CAMKMT: variants seen among roughly 807,000 people sequenced by gnomAD.
CAMKMT encodes the protein calmodulin-lysine N-methyltransferase.
CAMKMT carries 53 observed loss-of-function variants against 48.0 expected under a neutral mutation model. The ratio of observed to expected loss-of-function variants is 1.10; its 90% CI spans 0.89 to 1.39. The LOEUF (loss-of-function observed/expected upper bound fraction) is 1.39, where lower values mean the gene tolerates loss of function less well. Ranked by LOEUF, CAMKMT falls within the 40% of genes most tolerant of loss-of-function variation. CAMKMT has a pLI of 0.00. For synonymous variants in CAMKMT, 165 were observed against 152.3 expected, an observed-to-expected ratio of 1.08 and a Z score of -0.61; for missense variants, 428 against 402.7, an observed-to-expected ratio of 1.06 and a Z score of -0.54.
In CAMKMT at chr2:44,593,488, T is replaced by G. The variant is rs6714591; in HGVS notation, c.377-110795T>G. Among the ~76,000 whole-genome samples, 744 of 152,308 alleles carry G rather than the reference T, an allele frequency of 4.9e-3. 4 individuals carry two copies. The highest frequency in any genetic ancestry group is 0.017 in the African/African-American group (701 of 41,554). On this transcript the variant is annotated intron_variant, in intron 3 of 10. Coordinates refer to ENST00000378494, the MANE Select transcript of CAMKMT (RefSeq NM_024766.5). Reference sequence around the variant, plus strand: ...TTTTCCAGACTTTCAACTCTGGTACTCTGCAGGGCTCCATTTGGGTTCCCT... The same window carrying G: ...TTTTCCAGACTTTCAACTCTGGTACGCTGCAGGGCTCCATTTGGGTTCCCT...
intron 3 of CAMKMT, among the ~76,000 whole-genome samples, chr2:44,599,329 T>C (rs1335860399): frequency 1.3e-5 from 2 of 152,154 alleles, no homozygotes; most frequent in Non-Finnish European, 2.9e-5. Flanking sequence ...CCTGAAGGGC[T>C]CCAGTAACAC....
intron 3 of CAMKMT, among the ~76,000 whole-genome samples, chr2:44,457,965 A>T (rs1330478199): frequency 6.6e-6 from 1 of 152,120 alleles, no homozygotes; most frequent in East Asian, 1.9e-4. Context: ...TAGTGTAAAG[A>T]ACATCCCCCA....
At chr2:44,486,718 G>A (rs1207644318) in intron 3 of CAMKMT, among the ~76,000 whole-genome samples, 1 of 152,212 alleles carries the variant, frequency 6.6e-6, no homozygotes, top group Non-Finnish European at 1.5e-5. Flanking sequence ...CTTCCAGAAA[G>A]CCTTCCCAGG....
chr2:44,705,457 A>T (rs1463264392), intron 4 of CAMKMT: 1 of 985,190 alleles, frequency 1.0e-6, no homozygotes, highest in African/African-American at 1.7e-5. Context: ...CTTAAGCTTG[A>T]CTGGAGCTCC....
intron 7 of CAMKMT, among the ~76,000 whole-genome samples, chr2:44,736,590 C>T (rs988353691): frequency 3.9e-5 from 6 of 152,118 alleles, no homozygotes; most frequent in Non-Finnish European, 7.4e-5. Context: ...ATTATTTCTT[C>T]AAATATTTTT....
At chr2:44,693,593 C>G (rs1676775853) in intron 3 of CAMKMT, among the ~76,000 whole-genome samples, 1 of 152,208 alleles carries the variant, frequency 6.6e-6, no homozygotes, top group Non-Finnish European at 1.5e-5. Flanking sequence ...CCCTGTTGAT[C>G]CACAGGACCC....
intron 7 of CAMKMT, among the ~76,000 whole-genome samples, chr2:44,742,994 G>C (rs1433355270): frequency 6.6e-6 from 1 of 152,132 alleles, no homozygotes; most frequent in Admixed American, 6.5e-5. Flanking sequence ...CCTCTGGTTG[G>C]CCTCATAAGC....
intron 2 of CAMKMT, among the ~76,000 whole-genome samples, chr2:44,374,019 G>A (rs1280623559): frequency 6.7e-6 from 1 of 149,446 alleles, no homozygotes; most frequent in African/African-American, 2.5e-5. Context: ...AGCTACTCCA[G>A]AGGCTGAGGT....
chr2:44,472,967 C>G (rs981098669), intron 3 of CAMKMT, among the ~76,000 whole-genome samples: 1 of 152,156 alleles, frequency 6.6e-6, no homozygotes, highest in East Asian at 1.9e-4. Context: ...CAGTTACCAG[C>G]GTGAGGAATA....
chr2:44,758,782 C>A (rs1054336538), intron 9 of CAMKMT, among the ~76,000 whole-genome samples: 1 of 152,126 alleles, frequency 6.6e-6, no homozygotes, highest in Non-Finnish European at 1.5e-5. Flanking sequence ...AGGACCCAAA[C>A]GTAATTTAAA....
chr2:44,362,099 T>A lies in CAMKMT; in HGVS notation c.92T>A (p.Val31Glu), dbSNP rs1476347891. ...GTTGGCTGCACCACTCGGGGGCCCG[T>A]AGTCTCGGCGCCCCTGGGAGCCGCC... ...PAVGCTTRGP[V>E]VSAPLGAARW... The change falls in exon 1 of 11, where the codon GTA becomes GAA. Residue 31 changes from valine to glutamate, a missense_variant. Val to Glu is a moderately radical substitution (Grantham distance 121, BLOSUM62 -2). Transcript: ENST00000378494. The A allele has an allele frequency of 6.8e-7, 1 of 1,465,506 alleles. No individual in the cohort carries two copies. Among genetic ancestry groups the A allele is most frequent in the Non-Finnish European group, 8.9e-7 (1 of 1,119,672 alleles). 90.8% of individuals were successfully genotyped at this position (1,465,506 alleles called of 1,614,324 possible).
chr2:44,409,183 GTATAT>G lies in CAMKMT; in HGVS notation c.376+18880_376+18884del, dbSNP rs1683017856. Among the ~76,000 whole-genome samples, 4 of 13,008 alleles carry G rather than the reference GTATAT, an allele frequency of 3.1e-4. 1 individual carries two copies. The highest frequency in any genetic ancestry group is 2.7e-3 in the South Asian group (1 of 368). 8.5% of individuals were successfully genotyped at this position (13,008 alleles called of 152,430 possible). On this transcript the variant is annotated intron_variant, in intron 3 of 10. Transcript: ENST00000378494. ...TATATATATATATATATATATATAT[GTATAT>G]TGCTACATAAAGACAACTAGCCAAA... is the stretch of plus-strand genomic sequence containing the variant.
At chr2:44,402,097 C>T (rs1272391065) in intron 3 of CAMKMT, among the ~76,000 whole-genome samples, 4 of 152,078 alleles carry the variant, frequency 2.6e-5, no homozygotes, top group South Asian at 2.1e-4. Flanking sequence ...GAGGCCAAGG[C>T]GGGTGGATCA....
intron 3 of CAMKMT, among the ~76,000 whole-genome samples, chr2:44,608,432 C>T (rs1344329430): frequency 1.3e-5 from 2 of 151,908 alleles, no homozygotes; most frequent in East Asian, 1.9e-4. Context: ...AATAATTGTA[C>T]TTATTTATGG....
Position 44,437,399 on chromosome 2 carries a change from G to C in CAMKMT, c.376+47094G>C, listed in dbSNP as rs113958285. ...AGGCCCCAAGCAGGGTTACTGGGGGGATAGTTGTTCTGTTGGGGAATAGGG... is the reference window on the plus strand; with the variant it reads ...AGGCCCCAAGCAGGGTTACTGGGGGCATAGTTGTTCTGTTGGGGAATAGGG... On this transcript the variant is annotated intron_variant, in intron 3 of 10. Transcript: ENST00000378494. 2.2e-3 allele frequency among the ~76,000 whole-genome samples: 339 copies of C among 152,332 alleles called. No individual in the cohort carries two copies. The Middle Eastern group carries it at 0.027, about 12-fold the overall frequency.
chr2:44,386,801 A>G (rs777630547), intron 2 of CAMKMT, among the ~76,000 whole-genome samples: 6 of 152,072 alleles, frequency 3.9e-5, no homozygotes, highest in Admixed American at 2.6e-4. Context: ...CAGGTTATTT[A>G]ATTTTCATAT....
At chr2:44,486,089 T>C in intron 3 of CAMKMT, among the ~76,000 whole-genome samples, 1 of 152,134 alleles carries the variant, frequency 6.6e-6, no homozygotes, top group East Asian at 1.9e-4. Flanking sequence ...CTCAGCCTCC[T>C]GAGTAGCTGG....
At chr2:44,684,560 T>C (rs1676227211) in intron 3 of CAMKMT, among the ~76,000 whole-genome samples, 1 of 152,112 alleles carries the variant, frequency 6.6e-6, no homozygotes, top group Non-Finnish European at 1.5e-5. Context: ...CTAGGACTCA[T>C]TCCAGGCTCC....
At chr2:44,571,803 C>T (rs1668919877) in intron 3 of CAMKMT, among the ~76,000 whole-genome samples, 1 of 151,978 alleles carries the variant, frequency 6.6e-6, no homozygotes, top group African/African-American at 2.4e-5. Flanking sequence ...CAGTGAGACC[C>T]TGTCTCTAAA....
Sources: gnomAD v4.1 joint callset for allele counts (sites outside exome capture counted in the v4.1 genomes callset) on GRCh38, gnomAD v4.1.1 for gene constraint, MANE v1.5 for transcripts, NCBI Gene and HGNC (gene_info 2026-07-23, HGNC 2026-07-21) for gene names.